Variants in DGCR2 observed in about 807,000 individuals in gnomAD.
The protein encoded by DGCR2 is DiGeorge syndrome critical region gene 2.
In DGCR2, 24 loss-of-function variants were observed where a neutral mutation model predicts 51.6. That is an observed-to-expected ratio of 0.47 (90% CI 0.34 to 0.65). The LOEUF (loss-of-function observed/expected upper bound fraction) is 0.65. DGCR2 is among the 30% of genes least tolerant of loss of function. The pLI, the probability that DGCR2 is intolerant of heterozygous loss-of-function variation, is 0.01. For missense variants in DGCR2, 765 were observed against 772.1 expected, an observed-to-expected ratio of 0.99 and a Z score of 0.11; for synonymous variants, 340 against 315.4, an observed-to-expected ratio of 1.08 and a Z score of -0.82.
Position 19,057,717 on chromosome 22 carries a change from G to A in DGCR2, c.626-555C>T, listed in dbSNP as rs2082618765. Among the ~76,000 whole-genome samples the A allele has an allele frequency of 6.6e-6, 1 of 152,004 alleles. No homozygotes were observed. Among genetic ancestry groups the A allele is most frequent in the Non-Finnish European group, 1.5e-5 (1 of 67,994 alleles). ...CACTTAGGAAGCACTGGCTCCCGGG[G>A]ACCTCTCTCAGCTCAAGGGAAACTG... On this transcript the variant is annotated intron_variant, in intron 5 of 9. Transcript: ENST00000263196. This position sits in a 1 kb window ranked among gnomAD's most constrained non-coding sequence, Gnocchi z 5.1.
chr22:19,041,375 A>AG (rs1601498498), intron 8 of DGCR2, 81 bp from the exon 9 acceptor site: 1 of 1,425,782 alleles, frequency 7.0e-7, no homozygotes, highest in East Asian at 2.3e-5. Context: ...CCCCACCCCC[A>AG]GGCTGGGCCT....
chr22:19,071,034 C>T (rs73158818), intron 2 of DGCR2, among the ~76,000 whole-genome samples: 24,693 of 152,250 alleles, frequency 0.16, 2,214 homozygotes, highest in South Asian at 0.28. Context: ...TCCCTCTTCC[C>T]GCGGAGGGCC....
At chr22:19,068,032 T>C (rs2082769042) in intron 3 of DGCR2, 68 bp downstream of exon 3, 1 of 1,479,232 alleles carries the variant, frequency 6.8e-7, no homozygotes, top group East Asian at 2.4e-5. Context: ...ACAGTAGTGC[T>C]GGAAAGGCAG....
chr22:19,096,514 A>G (rs2083141315), intron 1 of DGCR2, among the ~76,000 whole-genome samples: 1 of 152,216 alleles, frequency 6.6e-6, no homozygotes. Flanking sequence ...CCCAATTACC[A>G]TGATTTGATC....
chr22:19,086,694 G>A (rs943498906), intron 2 of DGCR2, among the ~76,000 whole-genome samples: 1 of 152,012 alleles, frequency 6.6e-6, no homozygotes, highest in African/African-American at 2.4e-5. Flanking sequence ...CTCAGCCCTG[G>A]TGCAGGCCAC....
intron 2 of DGCR2, among the ~76,000 whole-genome samples, chr22:19,073,963 G>T (rs920568806): frequency 6.6e-6 from 1 of 152,188 alleles, no homozygotes; most frequent in African/African-American, 2.4e-5. Context: ...ACTGACAGGT[G>T]AGGACCACCA....
chr22:19,118,266 G>C (rs807748), intron 1 of DGCR2, among the ~76,000 whole-genome samples: 19,802 of 151,314 alleles, frequency 0.13, 2,132 homozygotes, highest in African/African-American at 0.3. Flanking sequence ...AGTTACTCTG[G>C]AGGCTGACAC....
chr22:19,050,002 T>C (rs1016090274), intron 6 of DGCR2, among the ~76,000 whole-genome samples: 3 of 151,838 alleles, frequency 2.0e-5, no homozygotes, highest in Non-Finnish European at 2.9e-5. Flanking sequence ...CACCAACATA[T>C]GTGAAACAGG....
intron 5 of DGCR2, among the ~76,000 whole-genome samples, chr22:19,062,761 A>ATG (rs2082683497): frequency 7.6e-6 from 1 of 131,996 alleles, no homozygotes; most frequent in Non-Finnish European, 1.7e-5. Flanking sequence ...CTTTGCGCAC[A>ATG]CACACACATG....
At chr22:19,096,621 T>G in intron 1 of DGCR2, among the ~76,000 whole-genome samples, 1 of 53,394 alleles carries the variant, frequency 1.9e-5, no homozygotes, top group East Asian at 6.5e-4. Flanking sequence ...TAAAGACTAA[T>G]GCAGGAAAAA....
chr22:19,070,467 C>T (rs998750587), intron 2 of DGCR2, among the ~76,000 whole-genome samples: 6 of 152,126 alleles, frequency 3.9e-5, no homozygotes, highest in Admixed American at 6.5e-5. Flanking sequence ...GGCCTCTTCC[C>T]CAAGCCAAGC....
chr22:19,077,278 C>A (rs979809319), intron 2 of DGCR2, among the ~76,000 whole-genome samples: 1 of 152,128 alleles, frequency 6.6e-6, no homozygotes, highest in African/African-American at 2.4e-5. Flanking sequence ...TCCAGTGTCA[C>A]GAAGACTTTA....
rs543679549 is a variant in DGCR2, at chr22:19,038,754, G to A, written c.*111C>T. On this transcript the variant is annotated 3_prime_UTR_variant, in exon 10 of 10. Coordinates refer to ENST00000263196, the MANE Select transcript of DGCR2 (RefSeq NM_005137.3). ...ACACGCGAGCCCGCCAGTGACGTGC[G>A]GCAGTGCGTGGCGTCCAGGCTGGGA... 195 of 1,412,840 alleles carry A rather than the reference G, an allele frequency of 1.4e-4. 1 individual carries two copies. The highest frequency in any genetic ancestry group is 9.5e-4 in the African/African-American group (67 of 70,228). 87.5% of individuals were successfully genotyped at this position (1,412,840 alleles called of 1,614,324 possible). A position where few individuals can be genotyped will look rare whatever the true frequency, so the allele number is the denominator to read the frequency against.
Position 19,041,876 on chromosome 22 carries a change from G to A in DGCR2, c.1090C>T (p.Leu364=). The change falls in exon 8 of 10, where the codon CTG becomes TTG. Residue 364 remains leucine (L), a synonymous_variant. Transcript: ENST00000263196. The part of the protein sequence containing the change: ...CISSFLILSL[L]LFMVHRLRQR... ...CGCAGCCGGTGGACCATGAAGAGCAGCAGTGACAGGATGAGGAAGGAGGAG... is the reference window on the plus strand; with the variant it reads ...CGCAGCCGGTGGACCATGAAGAGCAACAGTGACAGGATGAGGAAGGAGGAG... The A allele has an allele frequency of 1.2e-6, 2 of 1,613,590 alleles. No homozygotes were observed. The highest frequency in any genetic ancestry group is 2.2e-5 in the East Asian group (1 of 44,868).
At chr22:19,115,757 G>A (rs58888299) in intron 1 of DGCR2, among the ~76,000 whole-genome samples, 2,487 of 152,280 alleles carry the variant, frequency 0.016, 89 homozygotes, top group East Asian at 0.062. Flanking sequence ...CTCTCAGCAA[G>A]TCATACGCAG....
intron 2 of DGCR2, 152 bp from the exon 3 acceptor site, chr22:19,068,377 A>C: frequency 1.1e-6 from 1 of 891,128 alleles, no homozygotes; most frequent in Non-Finnish European, 1.6e-6. Flanking sequence ...GAGCCCTATG[A>C]AACACTGCCG....
chr22:19,060,781 GC>G (rs757303020), intron 5 of DGCR2: 2 of 448,822 alleles, frequency 4.5e-6, no homozygotes, highest in South Asian at 1.6e-5. Context: ...CAGGGTCTTG[GC>G]CCCCAGGCGG....
intron 1 of DGCR2, among the ~76,000 whole-genome samples, chr22:19,114,354 A>C (rs1220631193): frequency 6.6e-6 from 1 of 152,272 alleles, no homozygotes; most frequent in Non-Finnish European, 1.5e-5. Flanking sequence ...GGCTCTCTCC[A>C]TGCCCCATGG....
At position 19,057,352 on chromosome 22, in the gene DGCR2, G is replaced by A. The variant is rs368988123; in HGVS notation, c.626-190C>T. ...TCCTGGGAGTCACCCCAGGTGCTGG[G>A]CCTAGCGGGAGCCACTCCTTGGAGC... On this transcript the variant is annotated intron_variant, in intron 5 of 9. Coordinates refer to ENST00000263196, the MANE Select transcript of DGCR2 (RefSeq NM_005137.3). This position sits in a 1 kb window ranked among gnomAD's most constrained non-coding sequence, Gnocchi z 5.1. Among the ~76,000 whole-genome samples, 1 of 152,198 alleles carries A rather than the reference G, an allele frequency of 6.6e-6. No individual in the cohort carries two copies. The highest frequency in any genetic ancestry group is 1.9e-4 in the East Asian group (1 of 5,188).
Sources: gnomAD v4.1 joint callset for allele counts (sites outside exome capture counted in the v4.1 genomes callset) on GRCh38, gnomAD v4.1.1 for gene constraint, Gnocchi (gnomAD v3.1) non-coding constraint, MANE v1.5 for transcripts, NCBI Gene and HGNC (gene_info 2026-07-23, HGNC 2026-07-21) for gene names.